The following NBEA variants were observed in gnomAD, a reference collection of about 807,000 sequenced individuals.
NBEA encodes the protein neurobeachin, also known as lysosomal-trafficking regulator 2.
A neutral mutation model predicts 343.4 loss-of-function variants in NBEA; 44 were observed. The ratio of observed to expected loss-of-function variants is 0.13; its 90% CI spans 0.10 to 0.16. The LOEUF (loss-of-function observed/expected upper bound fraction) is 0.16, where lower values mean the gene tolerates loss of function less well. Ranked by LOEUF, NBEA falls within the 10% of genes least tolerant of loss-of-function variation. The probability of loss-of-function intolerance (pLI) is 1.00; values close to 1 mark genes in which losing one functional copy is unlikely to be tolerated. For synonymous variants in NBEA, 1,175 were observed against 1,238.7 expected (o/e 0.95, Z 1.08); for missense variants, 2,555 against 3,631.3 (o/e 0.70, Z 7.62).
intron 35 of NBEA, among the ~76,000 whole-genome samples, chr13:35,303,881 C>G (rs548933124): frequency 2.6e-5 from 4 of 152,302 alleles, no homozygotes; most frequent in Admixed American, 1.3e-4. Context: ...CTAGTTACCA[C>G]TTTCTCTTTC....
At chr13:35,193,048 C>T (rs1178133372) in intron 30 of NBEA, among the ~76,000 whole-genome samples, 1 of 151,826 alleles carries the variant, frequency 6.6e-6, no homozygotes, top group Non-Finnish European at 1.5e-5. Flanking sequence ...TGCTAGTAAC[C>T]ATGACACTGT....
intron 34 of NBEA, among the ~76,000 whole-genome samples, chr13:35,289,472 A>G (rs1186008881): frequency 1.3e-5 from 2 of 151,850 alleles, no homozygotes; most frequent in African/African-American, 2.4e-5. Context: ...CTCATTCTCT[A>G]TGTTGGCACT....
intron 6 of NBEA, among the ~76,000 whole-genome samples, chr13:35,053,132 T>G (rs2063123990): frequency 6.6e-6 from 1 of 152,152 alleles, no homozygotes; most frequent in Non-Finnish European, 1.5e-5. Context: ...TGCCTGCCTA[T>G]CTCACCTCCA....
At chr13:35,027,960 G>A (rs948405924) in intron 1 of NBEA, among the ~76,000 whole-genome samples, 2 of 151,764 alleles carry the variant, frequency 1.3e-5, no homozygotes, top group African/African-American at 2.4e-5. Flanking sequence ...AATTGCTTTT[G>A]TATCTTTTTT....
intron 23 of NBEA, 149 bp from the exon 24 acceptor site, chr13:35,164,207 A>C (rs1026077362): frequency 1.5e-6 from 1 of 653,034 alleles, no homozygotes; most frequent in Non-Finnish European, 2.4e-6. Flanking sequence ...GTAATATGAT[A>C]TCTCAATTAT....
chr13:35,467,202 G>A (rs1035911706), intron 40 of NBEA, among the ~76,000 whole-genome samples: 7 of 152,104 alleles, frequency 4.6e-5, no homozygotes, highest in African/African-American at 1.2e-4. Context: ...GGCCAGGTGC[G>A]GTGGCTCAGA....
chr13:35,407,835 C>T (rs2043355138), intron 38 of NBEA, among the ~76,000 whole-genome samples: 1 of 152,088 alleles, frequency 6.6e-6, no homozygotes, highest in Admixed American at 6.6e-5. Context: ...AGGAGACCTA[C>T]AAACCACTGC....
In NBEA at chr13:35,511,329, CTT is replaced by C. The variant is rs2077267407; in HGVS notation, c.6585+38796_6585+38797del. Among the ~76,000 whole-genome samples the C allele has an allele frequency of 2.0e-5, 3 of 152,164 alleles. No individual in the cohort carries two copies. The South Asian group carries it at 6.2e-4, about 32-fold the overall frequency. ...TAAAGAATTTTTAACCACATAAGGA[CTT>C]TTAAAATAATGTATTTATTGGTGAT... On this transcript the variant is annotated intron_variant, in intron 41 of 58. Transcript: ENST00000379939.
chr13:35,254,104 A>G (rs984358750), intron 34 of NBEA, among the ~76,000 whole-genome samples: 1 of 151,946 alleles, frequency 6.6e-6, no homozygotes, highest in Non-Finnish European at 1.5e-5. Flanking sequence ...TTTTCAGCTG[A>G]AAAAATAACA....
At chr13:35,083,138 G>A (rs1353500002) in intron 10 of NBEA, among the ~76,000 whole-genome samples, 2 of 152,078 alleles carry the variant, frequency 1.3e-5, no homozygotes, top group South Asian at 2.1e-4. Flanking sequence ...TGTACATATG[G>A]CTAGCCAGTT....
chr13:35,101,758 T>G (rs2065657405), intron 11 of NBEA, among the ~76,000 whole-genome samples: 1 of 151,840 alleles, frequency 6.6e-6, no homozygotes, highest in African/African-American at 2.4e-5. Context: ...CAATTTTCAT[T>G]TGGGTTGTCT....
intron 47 of NBEA, among the ~76,000 whole-genome samples, chr13:35,597,634 CATGAA>C (rs2081869521): frequency 2.0e-5 from 3 of 152,132 alleles, no homozygotes; most frequent in African/African-American, 7.2e-5. Flanking sequence ...AAAGGAGGTT[CATGAA>C]TATTAAGTGA....
chr13:35,064,076 T>C (rs1392086682), intron 8 of NBEA, among the ~76,000 whole-genome samples: 1 of 152,080 alleles, frequency 6.6e-6, no homozygotes, highest in African/African-American at 2.4e-5. Context: ...AGATGCCTGA[T>C]AGACATCTAA....
At chr13:35,632,699 T>C (rs2083509067) in intron 49 of NBEA, among the ~76,000 whole-genome samples, 1 of 151,634 alleles carries the variant, frequency 6.6e-6, no homozygotes, top group South Asian at 2.1e-4. Context: ...GTTCAAGCAA[T>C]TCTCCCACCT....
intron 34 of NBEA, among the ~76,000 whole-genome samples, chr13:35,270,536 TGG>T (rs916367939): frequency 2.0e-5 from 3 of 152,178 alleles, no homozygotes; most frequent in Non-Finnish European, 4.4e-5. Context: ...TCGCCTCACC[TGG>T]GAAGTACAAG....
chr13:35,345,781 G>T (rs528329006), intron 36 of NBEA, among the ~76,000 whole-genome samples: 1 of 152,056 alleles, frequency 6.6e-6, no homozygotes, highest in African/African-American at 2.4e-5. Context: ...GAGCAGCAAG[G>T]ATAGGAGATC....
intron 34 of NBEA, among the ~76,000 whole-genome samples, chr13:35,271,029 C>T (rs113269851): frequency 8.5e-5 from 13 of 152,370 alleles, no homozygotes; most frequent in South Asian, 2.1e-4. Flanking sequence ...GCTCCGATAA[C>T]GGACAGACTG....
intron 11 of NBEA, among the ~76,000 whole-genome samples, chr13:35,106,803 A>T (rs1399878164): frequency 6.6e-6 from 1 of 151,660 alleles, no homozygotes; most frequent in East Asian, 1.9e-4. Context: ...AGGCCTTGTG[A>T]TGCTTCTAGT....
intron 1 of NBEA, among the ~76,000 whole-genome samples, chr13:34,986,479 T>C (rs1428075448): frequency 6.6e-6 from 1 of 150,922 alleles, no homozygotes; most frequent in East Asian, 1.9e-4. Flanking sequence ...TTGGAATAAG[T>C]GCGACGTGTT....
Sources: gnomAD v4.1 joint callset for allele counts (sites outside exome capture counted in the v4.1 genomes callset) on GRCh38, gnomAD v4.1.1 for gene constraint, MANE v1.5 for transcripts, NCBI Gene and HGNC (gene_info 2026-07-23, HGNC 2026-07-21) for gene names.